Variants in PTPRC observed in about 807,000 individuals in gnomAD.
PTPRC encodes the protein receptor-type tyrosine-protein phosphatase C.
Under a neutral mutation model 155.9 loss-of-function variants are expected in PTPRC, and 44 were observed. The ratio of observed to expected loss-of-function variants is 0.28; its 90% confidence interval spans 0.22 to 0.36. PTPRC has a LOEUF of 0.36. PTPRC is among the 10% of genes least tolerant of loss of function. The pLI, the probability that PTPRC is intolerant of heterozygous loss-of-function variation, is 1.00. For missense variants in PTPRC, 1,401 were observed against 1,564.6 expected, an observed-to-expected ratio of 0.90 and a Z score of 1.76; for synonymous variants, 525 against 533.1, an observed-to-expected ratio of 0.98 and a Z score of 0.21.
intron 2 of PTPRC, among the ~76,000 whole-genome samples, chr1:198,663,647 G>A (rs1197356007): frequency 6.6e-6 from 1 of 152,176 alleles, no homozygotes; most frequent in African/African-American, 2.4e-5. Context: ...TGATGGTTAA[G>A]ATTGCAGGCT....
At chr1:198,691,609 T>G (rs1434801384) in intron 2 of PTPRC, among the ~76,000 whole-genome samples, 1 of 152,100 alleles carries the variant, frequency 6.6e-6, no homozygotes, top group Non-Finnish European at 1.5e-5. Context: ...GATCTAAAAT[T>G]CAAATGTTTC....
At chr1:198,716,943 C>T in intron 13 of PTPRC, 103 bp downstream of exon 13, 1 of 1,107,186 alleles carries the variant, frequency 9.0e-7, no homozygotes, top group Non-Finnish European at 1.3e-6. Flanking sequence ...AGCACATTTA[C>T]CTGGCACATT....
intron 2 of PTPRC, among the ~76,000 whole-genome samples, chr1:198,649,219 TTA>T (rs1663107275): frequency 1.3e-5 from 2 of 151,954 alleles, no homozygotes; most frequent in African/African-American, 4.8e-5. Context: ...CTTTGACTTC[TTA>T]GACTTAGATT....
At chr1:198,703,677 A>T (rs902417640) in intron 7 of PTPRC, 3 of 449,832 alleles carry the variant, frequency 6.7e-6, no homozygotes, top group Non-Finnish European at 1.2e-5. Flanking sequence ...AAGCCCATCA[A>T]AGGGGCTGTC....
intron 3 of PTPRC, chr1:198,694,412 G>GC: frequency 9.0e-7 from 1 of 1,112,386 alleles, no homozygotes; most frequent in Non-Finnish European, 1.1e-6. Flanking sequence ...GCACACCCAG[G>GC]AACAATACTT....
At chr1:198,642,092 G>A (rs1375302659) in intron 2 of PTPRC, among the ~76,000 whole-genome samples, 1 of 151,984 alleles carries the variant, frequency 6.6e-6, no homozygotes, top group African/African-American at 2.4e-5. Context: ...AGTTTGAAAT[G>A]TACTTTGTTA....
At chr1:198,663,173 T>A (rs888847860) in intron 2 of PTPRC, among the ~76,000 whole-genome samples, 41 of 152,184 alleles carry the variant, frequency 2.7e-4, no homozygotes, top group African/African-American at 9.4e-4. Flanking sequence ...GACCACCACT[T>A]CTGTGTAATT....
intron 2 of PTPRC, among the ~76,000 whole-genome samples, chr1:198,660,912 G>A (rs937888819): frequency 6.6e-6 from 1 of 152,086 alleles, no homozygotes; most frequent in African/African-American, 2.4e-5. Flanking sequence ...AGGCTTATGA[G>A]AACAGTATTT....
At chr1:198,692,892 T>C (rs1666006005) in intron 3 of PTPRC, 1 of 893,884 alleles carries the variant, frequency 1.1e-6, no homozygotes, top group Non-Finnish European at 1.3e-6. Context: ...ATAGTCCTTA[T>C]AAATGTCTTA....
chr1:198,728,744 G>T (rs938297372), intron 16 of PTPRC, among the ~76,000 whole-genome samples: 3 of 152,170 alleles, frequency 2.0e-5, no homozygotes, highest in African/African-American at 7.2e-5. Flanking sequence ...AGGGATCTAG[G>T]AGTGTCAAAA....
chr1:198,700,117 C>A, intron 5 of PTPRC: 1 of 210,006 alleles, frequency 4.8e-6, no homozygotes, highest in South Asian at 7.0e-5. Flanking sequence ...GAAATTGTAA[C>A]CACAATGAAA....
At chr1:198,742,139 A>C in intron 24 of PTPRC, 93 bp from the exon 25 acceptor site, 2 of 1,603,136 alleles carry the variant, frequency 1.2e-6, no homozygotes, top group Non-Finnish European at 8.5e-7. Context: ...TTTGGGAAAC[A>C]ACCTATGGGA....
chr1:198,756,134 C>G lies in PTPRC; in HGVS notation c.3874C>G (p.His1292Asp), dbSNP rs1375858966. The G allele has an allele frequency of 6.2e-7, 1 of 1,613,352 alleles. No homozygotes were observed. The highest frequency in any genetic ancestry group is 1.7e-5 in the Admixed American group (1 of 59,888). ...EPTSGTEGPEHSVNGPASPAL... is the reference protein window; with the variant it reads ...EPTSGTEGPEDSVNGPASPAL... ...CACGAGTGGCACTGAGGGGCCAGAACATTCTGTCAATGGTCCTGCAAGTCC... is the reference window on the plus strand; with the variant it reads ...CACGAGTGGCACTGAGGGGCCAGAAGATTCTGTCAATGGTCCTGCAAGTCC... The change falls in exon 33 of 33, where the codon CAT (histidine) becomes GAT (aspartate). Residue 1292 changes from histidine to aspartate, a missense_variant. Transcript: ENST00000442510.
chr1:198,694,903 T>C (rs2102378008), intron 3 of PTPRC: 1 of 970,046 alleles, frequency 1.0e-6, no homozygotes, highest in East Asian at 1.1e-4. Flanking sequence ...ATTACTGTAC[T>C]TAGTTGGCTA....
rs1557979011 is a variant in PTPRC, at chr1:198,665,079, C to CCTTT, written c.73+25738_73+25739insCTTT. On this transcript the variant is annotated intron_variant, in intron 2 of 32. Coordinates refer to ENST00000442510, the MANE Select transcript of PTPRC (RefSeq NM_002838.5). ...GAGTGTTTTTAGAACATCCCGGCAG[C>CCTTT]ATTTTTTTTTTTTTTTTTTTTTTTT... Among the ~76,000 whole-genome samples the CCTTT allele has an allele frequency of 1.6e-4, 16 of 102,242 alleles. 1 individual carries two copies. The highest frequency in any genetic ancestry group is 3.1e-4 in the South Asian group (1 of 3,232). The allele number at this position is 102,242 out of a possible 152,430, so 67.1% of individuals were successfully genotyped here. A position where few individuals can be genotyped will look rare whatever the true frequency, so the allele number is the denominator to read the frequency against.
intron 32 of PTPRC, 71 bp from the exon 33 acceptor site, chr1:198,755,835 A>AATC: frequency 1.4e-6 from 2 of 1,457,828 alleles, no homozygotes; most frequent in Non-Finnish European, 1.9e-6. Flanking sequence ...AGTTCTTGCT[A>AATC]ATCTTCATCT....
intron 28 of PTPRC, among the ~76,000 whole-genome samples, chr1:198,749,955 T>C (rs1330573755): frequency 6.6e-6 from 1 of 151,870 alleles, no homozygotes; most frequent in Non-Finnish European, 1.5e-5. Flanking sequence ...ATTAGGTGAG[T>C]CTGTGTCATA....
chr1:198,681,590 A>C (rs1238669506), intron 2 of PTPRC, among the ~76,000 whole-genome samples: 2 of 152,242 alleles, frequency 1.3e-5, no homozygotes, highest in African/African-American at 2.4e-5. Flanking sequence ...TCTATTTACA[A>C]ATAAACATTT....
chr1:198,668,019 A>T (rs1210745826), intron 2 of PTPRC, among the ~76,000 whole-genome samples: 1 of 152,224 alleles, frequency 6.6e-6, no homozygotes, highest in Non-Finnish European at 1.5e-5. Context: ...CTTGTAGCTA[A>T]CTGAATACAG....
Sources: allele counts gnomAD v4.1 joint callset (sites outside exome capture counted in the v4.1 genomes callset), GRCh38; gene constraint gnomAD v4.1.1; transcripts MANE v1.5; gene names NCBI Gene and HGNC (gene_info 2026-07-23, HGNC 2026-07-21).